Variants in ZFR observed in about 807,000 individuals in gnomAD.
ZFR encodes the protein zinc finger RNA-binding protein.
Under a neutral mutation model 130.7 loss-of-function variants are expected in ZFR, and 19 were observed. The observed-to-expected ratio is 0.15, with a 90% confidence interval of 0.10 to 0.21. The LOEUF (loss-of-function observed/expected upper bound fraction) is 0.21, where lower values mean the gene tolerates loss of function less well. ZFR is among the 10% of genes least tolerant of loss of function. The pLI, the probability that ZFR is intolerant of heterozygous loss-of-function variation, is 1.00. For synonymous variants in ZFR, 466 were observed against 456.9 expected (o/e 1.02, Z -0.25); for missense variants, 872 against 1,321.5 (o/e 0.66, Z 5.27).
chr5:32,439,224 C>T (rs143241767), intron 2 of ZFR, among the ~76,000 whole-genome samples: 14 of 152,228 alleles, frequency 9.2e-5, no homozygotes, highest in Middle Eastern at 3.4e-3. Flanking sequence ...TGTTATTAGT[C>T]GTTGCAATAT....
At chr5:32,414,340 G>A (rs1339063374) in intron 5 of ZFR, among the ~76,000 whole-genome samples, 1 of 152,206 alleles carries the variant, frequency 6.6e-6, no homozygotes, top group Non-Finnish European at 1.5e-5. Context: ...AAAAGGCAAT[G>A]TGTGATCTTA....
At chr5:32,418,373 T>G (rs1753879794) in intron 3 of ZFR, among the ~76,000 whole-genome samples, 1 of 152,210 alleles carries the variant, frequency 6.6e-6, no homozygotes, top group Non-Finnish European at 1.5e-5. Context: ...AAAATTAATT[T>G]TATTAAAAAA....
chr5:32,380,945 C>T (rs1455774497), intron 15 of ZFR, among the ~76,000 whole-genome samples: 3 of 151,100 alleles, frequency 2.0e-5, no homozygotes, highest in South Asian at 2.1e-4. Context: ...CCACTGCGCC[C>T]GGCCCAAAAC....
chr5:32,413,296 A>G (rs1198629871), intron 5 of ZFR, among the ~76,000 whole-genome samples: 1 of 152,198 alleles, frequency 6.6e-6, no homozygotes, highest in East Asian at 1.9e-4. Context: ...ATATATCTAT[A>G]CTTAGTGACA....
chr5:32,380,012 C>CAT (rs1209327038), intron 16 of ZFR, 63 bp downstream of exon 16: 1 of 1,352,874 alleles, frequency 7.4e-7, no homozygotes, highest in East Asian at 2.3e-5. Context: ...CACAGTTAAA[C>CAT]ATGTTGTACT....
At chr5:32,366,996 A>C (rs1166721047) in intron 17 of ZFR, among the ~76,000 whole-genome samples, 1 of 152,034 alleles carries the variant, frequency 6.6e-6, no homozygotes, top group Non-Finnish European at 1.5e-5. Flanking sequence ...CCTGGGCTCA[A>C]GTAATCATAC....
At chr5:32,396,248 G>A (rs937416624) in intron 10 of ZFR, among the ~76,000 whole-genome samples, 7 of 151,162 alleles carry the variant, frequency 4.6e-5, no homozygotes, top group Non-Finnish European at 1.0e-4. Context: ...TTTTGACTGC[G>A]TGAGGGGCCC....
Position 32,403,303 on chromosome 5 carries a change from G to A in ZFR, c.1319C>T (p.Ser440Leu). 6.2e-7 allele frequency: 1 copy of A among 1,614,208 alleles called. No homozygotes were observed. The highest frequency in any genetic ancestry group is 8.5e-7 in the Non-Finnish European group (1 of 1,180,036). ...QATSSTAVSA[S>L]KPTASPSSIA... ...GCTTGAAGGAGAGGCAGTCGGCTTTGAAGCAGATACAGCTGTTGAAGAAGT... is the reference window on the plus strand; with the variant it reads ...GCTTGAAGGAGAGGCAGTCGGCTTTAAAGCAGATACAGCTGTTGAAGAAGT... Residue 440 changes from serine (S) to leucine (L), a missense_variant, in exon 8 of 20, where the codon TCA (serine) becomes TTA (leucine). This residue lies in a region of ZFR where 143 missense variants were observed against 137.9 expected (regional missense o/e 1.04). Transcript: ENST00000265069.
chr5:32,417,399 C>CT, intron 4 of ZFR, among the ~76,000 whole-genome samples: 1 of 152,148 alleles, frequency 6.6e-6, no homozygotes, highest in African/African-American at 2.4e-5. Flanking sequence ...ATCACAGGTT[C>CT]TTTTGCACAG....
At chr5:32,440,713 G>C (rs376180301) in intron 2 of ZFR, among the ~76,000 whole-genome samples, 17 of 150,960 alleles carry the variant, frequency 1.1e-4, no homozygotes, top group African/African-American at 4.1e-4. Flanking sequence ...ATGGGACTTA[G>C]AACACAAGAC....
At chr5:32,440,399 G>C (rs994426192) in intron 2 of ZFR, among the ~76,000 whole-genome samples, 1 of 152,214 alleles carries the variant, frequency 6.6e-6, no homozygotes, top group African/African-American at 2.4e-5. Context: ...TGTAATCCCA[G>C]CACTTTTGGA....
chr5:32,383,368 T>TG (rs1561875770), intron 15 of ZFR, among the ~76,000 whole-genome samples: 1 of 152,068 alleles, frequency 6.6e-6, no homozygotes. Flanking sequence ...AAGCTACAGG[T>TG]GGGAAAAAAC....
intron 2 of ZFR, among the ~76,000 whole-genome samples, chr5:32,440,144 G>T (rs993981877): frequency 1.3e-5 from 2 of 152,072 alleles, no homozygotes; most frequent in South Asian, 2.1e-4. Flanking sequence ...TTATGTAAGT[G>T]CATTTCCTCA....
chr5:32,428,692 T>C (rs1247119690), intron 2 of ZFR, among the ~76,000 whole-genome samples: 4 of 152,054 alleles, frequency 2.6e-5, no homozygotes, highest in Admixed American at 6.5e-5. Context: ...CTACCACACT[T>C]TGAGTAGTAT....
At chr5:32,418,045 G>A (rs1156299158) in intron 3 of ZFR, among the ~76,000 whole-genome samples, 2 of 152,148 alleles carry the variant, frequency 1.3e-5, no homozygotes, top group African/African-American at 2.4e-5. Context: ...CGGATCATGA[G>A]GTAAGCAGAT....
At chr5:32,411,318 T>C (rs1026480737) in intron 5 of ZFR, among the ~76,000 whole-genome samples, 3 of 152,150 alleles carry the variant, frequency 2.0e-5, no homozygotes, top group South Asian at 2.1e-4. Context: ...AAGAGAGAAA[T>C]GAGAGTAACA....
At chr5:32,379,330 C>T in intron 16 of ZFR, 120 bp from the exon 17 acceptor site, 1 of 854,522 alleles carries the variant, frequency 1.2e-6, no homozygotes, top group Non-Finnish European at 1.9e-6. Context: ...AAAACAATCA[C>T]ACTTAAAATT....
At chr5:32,382,111 G>A (rs557492349) in intron 15 of ZFR, among the ~76,000 whole-genome samples, 9 of 152,198 alleles carry the variant, frequency 5.9e-5, no homozygotes, top group Admixed American at 2.0e-4. Flanking sequence ...AGACCAGCCC[G>A]GCCAACATGG....
rs1219349919 is a variant in ZFR, at chr5:32,354,718, T to G, written c.*1042A>C. On this transcript the variant is annotated 3_prime_UTR_variant, in exon 20 of 20. Coordinates refer to ENST00000265069, the MANE Select transcript of ZFR (RefSeq NM_016107.5). ...TGGGTGATGGGGTGTGTGGAGAAGATCATCTGTGTTATACTGTAATAGTTG... is the reference window on the plus strand; with the variant it reads ...TGGGTGATGGGGTGTGTGGAGAAGAGCATCTGTGTTATACTGTAATAGTTG... The G allele has an allele frequency of 6.6e-6, 1 of 152,580 alleles. No homozygotes were observed. The highest frequency in any genetic ancestry group is 1.5e-5 in the Non-Finnish European group (1 of 68,028). 9.5% of individuals were successfully genotyped at this position (152,580 alleles called of 1,614,324 possible).
Sources: gnomAD v4.1 joint callset for allele counts (sites outside exome capture counted in the v4.1 genomes callset) on GRCh38, gnomAD v4.1.1 for gene constraint, gnomAD v4.1.1 regional missense constraint, MANE v1.5 for transcripts, NCBI Gene and HGNC (gene_info 2026-07-23, HGNC 2026-07-21) for gene names.